Variants in GOLGB1 observed in about 807,000 individuals in gnomAD.
GOLGB1 encodes the protein golgin subfamily B member 1.
GOLGB1 carries 174 observed loss-of-function variants against 336.9 expected under a neutral mutation model. The observed-to-expected ratio is 0.52, with a 90% CI of 0.46 to 0.59. GOLGB1 has a LOEUF of 0.59. Ranked by LOEUF, GOLGB1 falls within the 20% of genes least tolerant of loss-of-function variation. The pLI is 0.00. For missense variants in GOLGB1, 3,331 were observed against 3,645.3 expected (o/e 0.91, Z 2.22); for synonymous variants, 1,208 against 1,289.2 (o/e 0.94, Z 1.35).
intron 10 of GOLGB1, among the ~76,000 whole-genome samples, chr3:121,712,251 C>G (rs190246714): frequency 1.3e-5 from 2 of 152,178 alleles, no homozygotes; most frequent in East Asian, 3.9e-4. Flanking sequence ...AACGAAATAT[C>G]CGTACAGGAA....
chr3:121,674,989 C>T (rs1940151584), intron 17 of GOLGB1, among the ~76,000 whole-genome samples: 1 of 151,576 alleles, frequency 6.6e-6, no homozygotes, highest in Non-Finnish European at 1.5e-5. Context: ...GCGCCCGCCA[C>T]CGCGCCCGGC....
chr3:121,741,414 G>A (rs1433916628), intron 1 of GOLGB1, among the ~76,000 whole-genome samples: 1 of 152,106 alleles, frequency 6.6e-6, no homozygotes, highest in Non-Finnish European at 1.5e-5. Context: ...AATAGCATAT[G>A]CAAAAAATAA....
At chr3:121,724,514 G>A (rs968925513) in intron 5 of GOLGB1, among the ~76,000 whole-genome samples, 39 of 151,770 alleles carry the variant, frequency 2.6e-4, no homozygotes, top group Admixed American at 2.2e-3. Flanking sequence ...GAGCTGCTAT[G>A]TGGTTACTTC....
intron 1 of GOLGB1, chr3:121,748,906 C>T: frequency 1.0e-6 from 1 of 984,990 alleles, no homozygotes; most frequent in Non-Finnish European, 1.2e-6. Flanking sequence ...CCCTCCCTTT[C>T]ACATTCCGGT....
chr3:121,681,989 T>C (rs1941125760), intron 14 of GOLGB1, 124 bp from the exon 15 acceptor site: 1 of 664,862 alleles, frequency 1.5e-6, no homozygotes, highest in African/African-American at 1.8e-5. Context: ...AACAGTCCAC[T>C]GATGACATAT....
At chr3:121,679,701 C>T (rs1228577051) in intron 15 of GOLGB1, among the ~76,000 whole-genome samples, 1 of 152,184 alleles carries the variant, frequency 6.6e-6, no homozygotes, top group Non-Finnish European at 1.5e-5. Flanking sequence ...ACACCTCACC[C>T]TCCTTACTGG....
At chr3:121,718,334 G>C in intron 8 of GOLGB1, 54 bp downstream of exon 8, 3 of 1,146,890 alleles carry the variant, frequency 2.6e-6, no homozygotes, top group East Asian at 2.4e-5. Context: ...CCTGGCAAAC[G>C]AAAGTGGAAA....
rs61510295 is a variant in GOLGB1 at position 121,684,127 on chromosome 3, C to CAAAAAAAAAAAA, written c.8695-2274_8695-2263dup. ...TGGATGACAGAGCGAGACGCCGTCT[C>CAAAAAAAAAAAA]AAAAAAAAAAAAAAAAAAAAAAAAA... On this transcript the variant is annotated intron_variant, in intron 14 of 21. Transcript: ENST00000614479. Among the ~76,000 whole-genome samples, 42 of 10,906 alleles carry CAAAAAAAAAAAA rather than the reference C, an allele frequency of 3.9e-3. 7 individuals carry two copies. The highest frequency in any genetic ancestry group is 4.8e-3 in the Non-Finnish European group (26 of 5,470). 7.2% of individuals were successfully genotyped at this position (10,906 alleles called of 152,430 possible).
chr3:121,692,392 G>T lies in GOLGB1; in HGVS notation c.6972C>A (p.Asp2324Glu). The change falls in exon 14 of 22, where the codon GAC (aspartate) becomes GAA (glutamate). Residue 2324 changes from aspartate (D) to glutamate (E), a missense_variant. Physicochemically the swap from Asp to Glu is conservative, Grantham distance 45 (BLOSUM62 2). Transcript: ENST00000614479. ...KLESELKSLK[D>E]QLTDLSNSLE... ...AAGAGTTACTTAAATCAGTCAACTG[G>T]TCTTTGAGACTCTTAAGTTCTGATT... 1 of 1,612,144 alleles carries T rather than the reference G, an allele frequency of 6.2e-7. No homozygotes were observed.
chr3:121,721,629 A>G (rs992986426), intron 6 of GOLGB1, among the ~76,000 whole-genome samples: 13 of 152,144 alleles, frequency 8.5e-5, no homozygotes, highest in Non-Finnish European at 1.5e-4. Flanking sequence ...GTGAGACCCA[A>G]TTTCAAAAAT....
intron 17 of GOLGB1, among the ~76,000 whole-genome samples, chr3:121,672,797 G>C (rs1939724330): frequency 6.6e-6 from 1 of 152,180 alleles, no homozygotes; most frequent in Non-Finnish European, 1.5e-5. Flanking sequence ...ATTTTGATTT[G>C]ATTTTTGTAT....
intron 16 of GOLGB1, 79 bp from the exon 17 acceptor site, chr3:121,677,109 G>T (rs903128129): frequency 3.2e-6 from 5 of 1,554,872 alleles, no homozygotes; most frequent in African/African-American, 1.4e-5. Flanking sequence ...AATCCTGTCC[G>T]CCCCATAGAA....
intron 10 of GOLGB1, among the ~76,000 whole-genome samples, chr3:121,707,650 G>GA (rs992688326): frequency 1.4e-4 from 19 of 134,420 alleles, no homozygotes; most frequent in Middle Eastern, 3.8e-3. Flanking sequence ...AAAAAAAAAA[G>GA]AAAAAAAAAA....
At chr3:121,743,578 G>A (rs561965652) in intron 1 of GOLGB1, among the ~76,000 whole-genome samples, 15 of 152,206 alleles carry the variant, frequency 9.9e-5, no homozygotes, top group East Asian at 3.9e-4. Flanking sequence ...AAACCTGCAC[G>A]TTGTGCACAT....
intron 1 of GOLGB1, among the ~76,000 whole-genome samples, chr3:121,744,926 G>A (rs950118062): frequency 1.3e-5 from 2 of 152,116 alleles, no homozygotes; most frequent in African/African-American, 4.8e-5. Flanking sequence ...TCAATAAGAA[G>A]CTGCATCATA....
chr3:121,673,504 T>C (rs949932481), intron 17 of GOLGB1, among the ~76,000 whole-genome samples: 1 of 152,242 alleles, frequency 6.6e-6, no homozygotes, highest in Non-Finnish European at 1.5e-5. Flanking sequence ...AATCTGTAGA[T>C]TGCTTTGTGT....
intron 20 of GOLGB1, among the ~76,000 whole-genome samples, chr3:121,666,232 G>T (rs1938591864): frequency 6.6e-6 from 1 of 152,198 alleles, no homozygotes; most frequent in Admixed American, 6.5e-5. Context: ...GGACTAGGCA[G>T]GCAGCCCTTA....
At chr3:121,684,469 A>C (rs1420247691) in intron 14 of GOLGB1, among the ~76,000 whole-genome samples, 1 of 152,078 alleles carries the variant, frequency 6.6e-6, no homozygotes, top group African/African-American at 2.4e-5. Context: ...AGCATGATGA[A>C]GAAAAAAAGA....
rs1325671866 is a variant in GOLGB1, at chr3:121,722,262, C to T, written c.648G>A (p.Gln216=). 8 of 1,562,038 alleles carry T rather than the reference C, an allele frequency of 5.1e-6. No homozygotes were observed. In the African/African-American group the frequency reaches 1.1e-4, roughly 21 times the overall value. ...TATCCTAATTTTGTGAGGTCCCTAC[C>T]TGTGCAGCTTGCTCTGCCTGTGTCT... The part of the protein sequence containing the change: ...LSQTQAEQAA[Q]LSSMQQVVRE... Residue 216 remains glutamine (Q), a splice_region_variant and synonymous_variant, in exon 6 of 22, where the codon CAG becomes CAA. Coordinates refer to ENST00000614479, the MANE Select transcript of GOLGB1 (RefSeq NM_001366282.2).
Sources: gnomAD v4.1 joint callset for allele counts (sites outside exome capture counted in the v4.1 genomes callset) on GRCh38, gnomAD v4.1.1 for gene constraint, MANE v1.5 for transcripts, NCBI Gene and HGNC (gene_info 2026-07-23, HGNC 2026-07-21) for gene names.